The following C16orf96 variants were observed in gnomAD, a reference collection of about 807,000 sequenced individuals.
The protein encoded by C16orf96 is chromosome 16 open reading frame 96, also known as uncharacterized protein C16orf96.
A neutral mutation model predicts 103.6 loss-of-function variants in C16orf96; 108 were observed. The observed-to-expected ratio is 1.04, with a 90% CI of 0.89 to 1.22. The LOEUF is 1.22. Among genes scored for constraint, C16orf96 ranks in the 50% most tolerant of loss-of-function variants. C16orf96 has a pLI of 0.00. For synonymous variants in C16orf96, 566 were observed against 593.5 expected, an observed-to-expected ratio of 0.95 and a Z score of 0.67; for missense variants, 1,586 against 1,464.2, an observed-to-expected ratio of 1.08 and a Z score of -1.36.
intron 8 of C16orf96, among the ~76,000 whole-genome samples, chr16:4,587,758 G>A (rs1896962985): frequency 6.6e-6 from 1 of 151,828 alleles, no homozygotes; most frequent in Admixed American, 6.6e-5. Flanking sequence ...AACATAGGAA[G>A]ATCACATCTC....
chr16:4,545,234 G>C, the C16orf96 span, among the ~76,000 whole-genome samples: 1 of 152,112 alleles, frequency 6.6e-6, no homozygotes, highest in Non-Finnish European at 1.5e-5. Flanking sequence ...TAGGGACAGG[G>C]TCTGTTCTGT....
Position 4,581,182 on chromosome 16 carries a change from AT to A in C16orf96, c.2352+1058del, listed in dbSNP as rs1440919016. On this transcript the variant is annotated intron_variant, in intron 7 of 15. Transcript: ENST00000444310. ...TATATATATATATATATATATATATATAATTAGCCAGGCGTAGTGGCACACA... is the reference window on the plus strand; with the variant it reads ...TATATATATATATATATATATATATAAATTAGCCAGGCGTAGTGGCACACA... Among the ~76,000 whole-genome samples, 100 of 133,070 alleles carry A rather than the reference AT, an allele frequency of 7.5e-4. 2 individuals are homozygous for A. The highest frequency in any genetic ancestry group is 5.0e-3 in the Admixed American group (65 of 13,062). 87.3% of individuals were successfully genotyped at this position (133,070 alleles called of 152,430 possible). A position where few individuals can be genotyped will look rare whatever the true frequency, so the allele number is the denominator to read the frequency against.
intron 1 of C16orf96, among the ~76,000 whole-genome samples, chr16:4,567,733 T>C (rs1410785805): frequency 1.5e-5 from 2 of 137,828 alleles, no homozygotes; most frequent in Non-Finnish European, 1.5e-5. Context: ...GAAGTCTTCC[T>C]CTGTCACCAG....
chr16:4,594,305 G>A, intron 12 of C16orf96, 46 bp from the exon 13 acceptor site: 11 of 1,539,970 alleles, frequency 7.1e-6, no homozygotes, highest in Non-Finnish European at 9.7e-6. Flanking sequence ...CTGGGCTCTG[G>A]GGTACAGGGT....
At chr16:4,552,155 C>G (rs1001502847), upstream of C16orf96, among the ~76,000 whole-genome samples, 4 of 152,022 alleles carry the variant, frequency 2.6e-5, no homozygotes, top group Non-Finnish European at 5.9e-5. Context: ...CAGCATGAAC[C>G]CTTTTATGTA....
At chr16:4,550,329 C>G in the C16orf96 span, among the ~76,000 whole-genome samples, 3 of 152,074 alleles carry the variant, frequency 2.0e-5, no homozygotes, top group East Asian at 1.9e-4. Flanking sequence ...ACGTGATCCG[C>G]CCATCTCAGC....
Position 4,576,428 on chromosome 16 carries a change from C to G in C16orf96, c.1948C>G (p.Pro650Ala), listed in dbSNP as rs931548139. 8.4e-6 allele frequency: 13 copies of G among 1,551,158 alleles called. No individual in the cohort carries two copies. The highest frequency in any genetic ancestry group is 1.1e-5 in the Non-Finnish European group (13 of 1,147,030). The change falls in exon 5 of 16, where the codon CCC (proline) becomes GCC (alanine). Residue 650 changes from proline to alanine, a missense_variant. Pro to Ala is a conservative substitution (Grantham distance 27, BLOSUM62 -1). Coordinates refer to ENST00000444310, the MANE Select transcript of C16orf96 (RefSeq NM_001145011.2). ...DDSEIYEILSPSYSAASIGPD... is the reference protein window; with the variant it reads ...DDSEIYEILSASYSAASIGPD... The stretch of plus-strand genomic sequence containing the variant: ...TTCCGAAATCTACGAAATCCTCTCT[C>G]CCTCCTACTCTGCTGCCAGCATCGG...
chr16:4,571,780 G>T (rs984943461), intron 2 of C16orf96, 115 bp downstream of exon 2: 6 of 858,242 alleles, frequency 7.0e-6, no homozygotes, highest in Non-Finnish European at 1.1e-5. Context: ...AGCTGTGAGG[G>T]TGTGGTCATG....
chr16:4,557,571 T>C (rs2059279485), intron 1 of C16orf96, among the ~76,000 whole-genome samples: 1 of 152,164 alleles, frequency 6.6e-6, no homozygotes, highest in African/African-American at 2.4e-5. Flanking sequence ...TGAAAATGTT[T>C]TGGAACTAGA....
Position 4,577,081 on chromosome 16 carries a change from C to T in C16orf96, c.2155+446C>T, listed in dbSNP as rs149019288. 1.8e-3 allele frequency among the ~76,000 whole-genome samples: 269 copies of T among 152,236 alleles called. 3 individuals carry two copies. Among genetic ancestry groups the T allele is most frequent in the African/African-American group, 6.3e-3 (262 of 41,528 alleles). ...TGGTGTATGCCTGTAATCCCAGCTA[C>T]TCGGGAGGCTGTGGCAGGAGAATCG... On this transcript the variant is annotated intron_variant, in intron 5 of 15. Transcript: ENST00000444310.
intron 9 of C16orf96, among the ~76,000 whole-genome samples, chr16:4,589,713 AT>A (rs1220976273): frequency 6.6e-6 from 1 of 152,186 alleles, no homozygotes; most frequent in Non-Finnish European, 1.5e-5. Context: ...ATGACATCCA[AT>A]TCAGGAATAG....
chr16:4,558,751 C>G (rs1041529940), intron 1 of C16orf96, among the ~76,000 whole-genome samples: 3 of 151,942 alleles, frequency 2.0e-5, no homozygotes, highest in Non-Finnish European at 4.4e-5. Context: ...CCTGTCTCTA[C>G]TAAAAATACA....
Position 4,600,695 on chromosome 16 carries a change from T to C in C16orf96, c.*378T>C. On this transcript the variant is annotated 3_prime_UTR_variant, in exon 16 of 16. Transcript: ENST00000444310. ...GGCTGTTTTATCCTGTGCATATAAA[T>C]ACAAACAGCACAGTGCACATTCTCA... is the stretch of plus-strand genomic sequence containing the variant. 3.8e-6 allele frequency: 1 copy of C among 260,728 alleles called. No homozygotes were observed. The highest frequency in any genetic ancestry group is 7.6e-6 in the Non-Finnish European group (1 of 132,092). The allele number at this position is 260,728 out of a possible 1,614,324, so 16.2% of individuals were successfully genotyped here. A position where few individuals can be genotyped will look rare whatever the true frequency, so the allele number is the denominator to read the frequency against.
chr16:4,590,818 A>G (rs1326448034), intron 9 of C16orf96, among the ~76,000 whole-genome samples: 1 of 150,702 alleles, frequency 6.6e-6, no homozygotes, highest in Non-Finnish European at 1.5e-5. Context: ...CAGGAGTTTG[A>G]GACCAGCCTG....
rs1003089558 is a variant in C16orf96, at chr16:4,588,181, T to TAG, written c.2442_2443insAG (p.Ala815ArgfsTer19). The TAG allele has an allele frequency of 1.9e-6, 3 of 1,550,884 alleles. No individual in the cohort carries two copies. Among genetic ancestry groups the TAG allele is most frequent in the Admixed American group, 3.9e-5 (2 of 50,932 alleles). On this transcript the variant is annotated frameshift_variant, in exon 9 of 16. Coordinates refer to ENST00000444310, the MANE Select transcript of C16orf96 (RefSeq NM_001145011.2). LOFTEE classifies it high-confidence loss of function. ...TGTCTCCCTAGAAAGCTGACAGGAG[T>TAG]GCCCTGGCAGGCAAGGCAAGCCGCG...
At chr16:4,559,698 C>G (rs2141691627) in intron 1 of C16orf96, among the ~76,000 whole-genome samples, 1 of 152,308 alleles carries the variant, frequency 6.6e-6, no homozygotes, top group Middle Eastern at 3.4e-3. Context: ...CCAGCCACCT[C>G]TATCTAGTTC....
upstream of C16orf96, among the ~76,000 whole-genome samples, chr16:4,556,073 G>A (rs527700609): frequency 7.2e-5 from 11 of 152,116 alleles, no homozygotes; most frequent in East Asian, 9.7e-4. Flanking sequence ...TCTTCTGCCC[G>A]GATTCGAGAA....
Position 4,556,635 on chromosome 16 carries a change from A to T in C16orf96, c.146A>T (p.Asp49Val). The T allele has an allele frequency of 6.4e-7, 1 of 1,551,684 alleles. No individual in the cohort carries two copies. The highest frequency in any genetic ancestry group is 8.7e-7 in the Non-Finnish European group (1 of 1,146,968). The change falls in exon 1 of 16, where the codon GAT (aspartate) becomes GTT (valine). Residue 49 changes from aspartate to valine, a missense_variant. Asp to Val is a radical substitution (Grantham distance 152). Coordinates refer to ENST00000444310, the MANE Select transcript of C16orf96 (RefSeq NM_001145011.2). ...GAGCTCAAGAAAGTCCTCTCAGGCGATGAGGACTTCCTGCAGACCTCGCAG... is the reference window on the plus strand; with the variant it reads ...GAGCTCAAGAAAGTCCTCTCAGGCGTTGAGGACTTCCTGCAGACCTCGCAG... ...MAELKKVLSG[D>V]EDFLQTSQVV... is the part of the protein sequence containing the mutation.
In C16orf96 at chr16:4,600,494, C is replaced by CCG. The variant is rs1364804418; in HGVS notation, c.*178_*179insGC. The CCG allele has an allele frequency of 6.3e-6, 3 of 479,410 alleles. No homozygotes were observed. The highest frequency in any genetic ancestry group is 1.1e-5 in the Non-Finnish European group (3 of 265,540). The allele number at this position is 479,410 out of a possible 1,614,324, so 29.7% of individuals were successfully genotyped here. On this transcript the variant is annotated 3_prime_UTR_variant, in exon 16 of 16. Transcript: ENST00000444310. ...TCCGAGGCTGAGGCTCATGCGCCCC[C>CCG]CCCCATCCCTACCAAGTCCCCTCCA...
Sources: allele counts gnomAD v4.1 joint callset (sites outside exome capture counted in the v4.1 genomes callset), GRCh38; gene constraint gnomAD v4.1.1; transcripts MANE v1.5; gene names NCBI Gene and HGNC (gene_info 2026-07-23, HGNC 2026-07-21).